The following VEPH1 variants were observed in gnomAD, a reference collection of about 807,000 sequenced individuals.
VEPH1 encodes ventricular zone expressed PH domain containing 1.
VEPH1 carries 80 observed loss-of-function variants against 85.2 expected under a neutral mutation model. That is an observed-to-expected ratio of 0.94 (90% CI 0.78 to 1.13). The LOEUF (loss-of-function observed/expected upper bound fraction) is 1.13, where lower values mean the gene tolerates loss of function less well. Among genes scored for constraint, VEPH1 ranks in the 50% most tolerant of loss-of-function variants. The probability of loss-of-function intolerance (pLI) is 0.00; values close to 1 mark genes in which losing one functional copy is unlikely to be tolerated. For synonymous variants in VEPH1, 297 were observed against 348.0 expected (o/e 0.85, Z 1.63); for missense variants, 955 against 980.5 (o/e 0.97, Z 0.35).
At chr3:157,293,108 A>G (rs1259496532) in intron 11 of VEPH1, among the ~76,000 whole-genome samples, 1 of 152,188 alleles carries the variant, frequency 6.6e-6, no homozygotes, top group Non-Finnish European at 1.5e-5. Flanking sequence ...ATTGTGCAAT[A>G]CGGCAAGAAG....
At chr3:157,453,622 A>G (rs745587770) in intron 4 of VEPH1, among the ~76,000 whole-genome samples, 5 of 152,228 alleles carry the variant, frequency 3.3e-5, no homozygotes, top group Admixed American at 1.3e-4. Flanking sequence ...CAAGGCAATG[A>G]AGATCTAAAG....
At chr3:157,271,136 GAAGTC>G (rs1577198823) in intron 12 of VEPH1, among the ~76,000 whole-genome samples, 1 of 152,188 alleles carries the variant, frequency 6.6e-6, no homozygotes, top group Non-Finnish European at 1.5e-5. Context: ...GGTGAAGGGA[GAAGTC>G]AATTCAAGGC....
At chr3:157,369,193 A>AAAAAACAAAAAAAAAAAAAAC (rs1727181039) in intron 7 of VEPH1, among the ~76,000 whole-genome samples, 1 of 140,572 alleles carries the variant, frequency 7.1e-6, no homozygotes, top group Non-Finnish European at 1.6e-5. Flanking sequence ...AAAAAAAAAA[A>AAAAAACAAAAAAAAAAAAAAC]AAAAAAAAAA....
chr3:157,445,820 CA>C (rs1734504342), intron 4 of VEPH1, among the ~76,000 whole-genome samples: 1 of 152,116 alleles, frequency 6.6e-6, no homozygotes. Flanking sequence ...ACAACAGCAA[CA>C]AAAACAACTA....
chr3:157,309,977 C>T lies in VEPH1; in HGVS notation c.2010+3644G>A, dbSNP rs1257119880. On this transcript the variant is annotated intron_variant, in intron 11 of 13. Coordinates refer to ENST00000362010, the MANE Select transcript of VEPH1 (RefSeq NM_001167912.2). Reference sequence around the variant, plus strand: ...GTATTTTTAGTAGAGACGGGGTTTCCCCATGTTGACTAGACTGGTCTTGAA... The same window carrying T: ...GTATTTTTAGTAGAGACGGGGTTTCTCCATGTTGACTAGACTGGTCTTGAA... 1.3e-4 allele frequency among the ~76,000 whole-genome samples: 20 copies of T among 151,816 alleles called. 1 individual carries two copies. The highest frequency in any genetic ancestry group is 1.2e-3 in the Admixed American group (19 of 15,234).
chr3:157,461,816 A>G (rs969922297), intron 3 of VEPH1, among the ~76,000 whole-genome samples: 8 of 152,012 alleles, frequency 5.3e-5, no homozygotes, highest in Non-Finnish European at 8.8e-5. Flanking sequence ...ATAAAACAAG[A>G]CAGAGAAGAC....
intron 4 of VEPH1, among the ~76,000 whole-genome samples, chr3:157,445,625 A>G (rs947405903): frequency 6.7e-6 from 1 of 150,096 alleles, no homozygotes; most frequent in Non-Finnish European, 1.5e-5. Context: ...GTCTCAAAAT[A>G]AGTAAATACA....
At chr3:157,327,779 T>C (rs1722076377) in intron 9 of VEPH1, among the ~76,000 whole-genome samples, 1 of 152,348 alleles carries the variant, frequency 6.6e-6, no homozygotes, top group African/African-American at 2.4e-5. Context: ...TGCTTGCTGC[T>C]TTATGTTACT....
At chr3:157,429,311 TG>T (rs1449388189) in intron 4 of VEPH1, among the ~76,000 whole-genome samples, 2 of 152,218 alleles carry the variant, frequency 1.3e-5, no homozygotes, top group Non-Finnish European at 2.9e-5. Context: ...ACTTTAAATT[TG>T]GCTTTGTATA....
intron 4 of VEPH1, among the ~76,000 whole-genome samples, chr3:157,448,321 A>AT (rs1450025059): frequency 6.6e-6 from 1 of 152,202 alleles, no homozygotes; most frequent in African/African-American, 2.4e-5. Context: ...TAAGTTTCCA[A>AT]TCATTTGAAG....
rs566165562 is a variant in VEPH1 at position 157,344,532 on chromosome 3, T to C, written c.1735+18832A>G. 5.3e-5 allele frequency among the ~76,000 whole-genome samples: 8 copies of C among 152,192 alleles called. No homozygotes were observed. The East Asian group carries it at 1.2e-3, about 22-fold the overall frequency. On this transcript the variant is annotated intron_variant, in intron 9 of 13. Transcript: ENST00000362010. ...CACTGCTCAACGAAATAAAAGAGGA[T>C]ACAAACAAATGGAACATTCCATGCT...
intron 7 of VEPH1, among the ~76,000 whole-genome samples, chr3:157,368,087 A>G (rs1436958202): frequency 6.6e-6 from 1 of 152,210 alleles, no homozygotes; most frequent in Non-Finnish European, 1.5e-5. Context: ...AATGCAGATA[A>G]TAACTGTACT....
At chr3:157,442,696 AACTGGCGGCTACC>A in intron 4 of VEPH1, 1 of 1,614,212 alleles carries the variant, frequency 6.2e-7, no homozygotes, top group Non-Finnish European at 8.5e-7. Flanking sequence ...GTAAATGGTG[AACTGGCGGCTACC>A]ACTGTTGAGA....
intron 9 of VEPH1, among the ~76,000 whole-genome samples, chr3:157,350,042 A>T (rs1724695202): frequency 6.6e-6 from 1 of 152,178 alleles, no homozygotes; most frequent in South Asian, 2.1e-4. Flanking sequence ...ATGGAACCAT[A>T]AAAGACCCCA....
chr3:157,462,364 G>A (rs1735959657), intron 3 of VEPH1, among the ~76,000 whole-genome samples: 1 of 152,070 alleles, frequency 6.6e-6, no homozygotes, highest in African/African-American at 2.4e-5. Flanking sequence ...AGATGCAAAA[G>A]TTAGTATGAA....
Position 157,489,198 on chromosome 3 carries a change from T to G in VEPH1, c.138+6014A>C, listed in dbSNP as rs77573663. ...CAGGAATAGAAAAATTAGACCATGT[T>G]ACTTCTGCTCAGAACTCTCCAGTGG... On this transcript the variant is annotated intron_variant, in intron 2 of 13. Transcript: ENST00000362010. 3.0e-3 allele frequency: 1,387 copies of G among 456,504 alleles called. 18 individuals carry two copies. The highest frequency in any genetic ancestry group is 0.026 in the African/African-American group (1,279 of 50,140). The allele number at this position is 456,504 out of a possible 1,614,324, so 28.3% of individuals were successfully genotyped here.
intron 2 of VEPH1, among the ~76,000 whole-genome samples, chr3:157,486,503 G>T (rs1249957250): frequency 7.3e-6 from 1 of 137,794 alleles, no homozygotes. Flanking sequence ...AAAAAAAAGA[G>T]GCAGCATAGT....
rs142584306 is a variant in VEPH1 at position 157,398,104 on chromosome 3, C to T, written c.906+15777G>A. ...GGGTAGCAGGAGTGGAGACCATGGG[C>T]ATTTAAGCTACTTCTTCATGTAACT... On this transcript the variant is annotated intron_variant, in intron 6 of 13. Transcript: ENST00000362010. 9.0e-4 allele frequency among the ~76,000 whole-genome samples: 137 copies of T among 152,278 alleles called. 1 individual carries two copies. Among genetic ancestry groups the T allele is most frequent in the African/African-American group, 3.1e-3 (128 of 41,538 alleles).
At chr3:157,425,592 T>C (rs1732700344) in intron 5 of VEPH1, among the ~76,000 whole-genome samples, 1 of 152,200 alleles carries the variant, frequency 6.6e-6, no homozygotes. Context: ...TTGGCCAATT[T>C]CTCCCATTTG....
Sources: allele counts gnomAD v4.1 joint callset (sites outside exome capture counted in the v4.1 genomes callset), GRCh38; gene constraint gnomAD v4.1.1; transcripts MANE v1.5; gene names NCBI Gene and HGNC (gene_info 2026-07-23, HGNC 2026-07-21).